Variants in PRKCZ observed in about 807,000 individuals in gnomAD.
PRKCZ encodes protein kinase C zeta type.
PRKCZ carries 33 observed loss-of-function variants against 79.5 expected under a neutral mutation model. That is an observed-to-expected ratio of 0.41 (90% confidence interval 0.31 to 0.55). PRKCZ has a LOEUF of 0.55. Ranked by LOEUF, PRKCZ falls within the 20% of genes least tolerant of loss-of-function variation. PRKCZ has a pLI of 0.19. For missense variants in PRKCZ, 578 were observed against 813.5 expected, an observed-to-expected ratio of 0.71 and a Z score of 3.52; for synonymous variants, 342 against 320.9, an observed-to-expected ratio of 1.07 and a Z score of -0.70.
rs12725838 is a variant in PRKCZ at position 2,099,047 on chromosome 1, C to T, written c.335-36215C>T. ...CCGTTGTCTGTGCTGTGACTTCCGT[C>T]GTTGTCTGTGCTGTGACTTCCGTTG... On this transcript the variant is annotated intron_variant, in intron 4 of 17. Transcript: ENST00000378567. Among the ~76,000 whole-genome samples the T allele has an allele frequency of 2.7e-4, 41 of 151,380 alleles. No homozygotes were observed. The East Asian group carries it at 7.7e-3, about 29-fold the overall frequency.
chr1:2,056,669 C>T (rs1475694993), intron 3 of PRKCZ, 96 bp downstream of exon 3: 3 of 1,112,298 alleles, frequency 2.7e-6, no homozygotes, highest in Non-Finnish European at 3.8e-6. Flanking sequence ...GTTTAAAATC[C>T]TATGATGCCA....
intron 4 of PRKCZ, among the ~76,000 whole-genome samples, chr1:2,061,810 C>G (rs1338593652): frequency 6.6e-6 from 1 of 152,240 alleles, no homozygotes; most frequent in African/African-American, 2.4e-5. Context: ...GGCGCTCTCC[C>G]TGATGTCCTG....
At chr1:2,077,472 A>G (rs1404319441) in intron 4 of PRKCZ, among the ~76,000 whole-genome samples, 1 of 152,160 alleles carries the variant, frequency 6.6e-6, no homozygotes, top group South Asian at 2.1e-4. Context: ...GAATCCCGTG[A>G]GGCTGTGTCA....
intron 4 of PRKCZ, among the ~76,000 whole-genome samples, chr1:2,092,429 G>A (rs1665684211): frequency 6.6e-6 from 1 of 151,992 alleles, no homozygotes; most frequent in East Asian, 1.9e-4. Context: ...CTCTACCCCT[G>A]CTCTGAAATG....
rs780482466 is a variant in PRKCZ at position 2,184,572 on chromosome 1, G to A, written c.1576-11G>A. 2.5e-6 allele frequency: 4 copies of A among 1,611,730 alleles called. No individual in the cohort carries two copies. In the Admixed American group the frequency reaches 5.0e-5, roughly 20 times the overall value. On this transcript the variant is annotated splice_polypyrimidine_tract_variant and intron_variant, in intron 16 of 17. Transcript: ENST00000378567. ...GCGCGGAGCTGACCCTTCTCCTATT[G>A]TTTTTCCAAGCTGGAGAAGAAGCAG...
chr1:2,069,143 C>A (rs185304331), intron 4 of PRKCZ, among the ~76,000 whole-genome samples: 1 of 152,214 alleles, frequency 6.6e-6, no homozygotes, highest in Admixed American at 6.5e-5. Flanking sequence ...CCAACCAATG[C>A]GACCCCCGGC....
chr1:2,073,795 T>TC (rs907018585), intron 4 of PRKCZ: 1 of 1,027,436 alleles, frequency 9.7e-7, no homozygotes, highest in African/African-American at 1.7e-5. Context: ...CGCTCGAGCC[T>TC]CCCTGCCTAT....
chr1:2,140,711 G>A (rs1677142172), intron 5 of PRKCZ, among the ~76,000 whole-genome samples: 2 of 152,188 alleles, frequency 1.3e-5, no homozygotes, highest in South Asian at 4.1e-4. Flanking sequence ...GCTCACACCT[G>A]TAATCCCAGC....
At chr1:2,164,746 T>A (rs191164729) in intron 10 of PRKCZ, among the ~76,000 whole-genome samples, 118 of 152,336 alleles carry the variant, frequency 7.7e-4, no homozygotes, top group African/African-American at 2.7e-3. Flanking sequence ...CTAAATTGCG[T>A]TATTACCTCT....
chr1:2,056,386 C>T (rs1660162160), intron 2 of PRKCZ, 98 bp from the exon 3 acceptor site: 1 of 1,108,694 alleles, frequency 9.0e-7, no homozygotes, highest in East Asian at 2.7e-5. Flanking sequence ...GGACTTTGCC[C>T]CCCACCAGAC....
chr1:2,164,818 G>A (rs773094447), intron 10 of PRKCZ, among the ~76,000 whole-genome samples: 7 of 152,046 alleles, frequency 4.6e-5, no homozygotes, highest in Non-Finnish European at 7.4e-5. Context: ...GCCTCGCTCC[G>A]CCCTGGCTTT....
intron 4 of PRKCZ, among the ~76,000 whole-genome samples, chr1:2,130,238 G>A (rs1212227972): frequency 6.6e-6 from 1 of 152,200 alleles, no homozygotes; most frequent in Non-Finnish European, 1.5e-5. Flanking sequence ...AGGCTGCCCT[G>A]CTGTCCGTTA....
Position 2,125,578 on chromosome 1 carries a change from C to T in PRKCZ, c.335-9684C>T, listed in dbSNP as rs746142048. ...GTGGGGCCCTGGGCTGGCTGCAAGACGTGGAGTGACTGTGGGTCCCCGTGG... is the reference window on the plus strand; with the variant it reads ...GTGGGGCCCTGGGCTGGCTGCAAGATGTGGAGTGACTGTGGGTCCCCGTGG... On this transcript the variant is annotated intron_variant, in intron 4 of 17. Transcript: ENST00000378567. This position sits in a 1 kb window ranked among gnomAD's most constrained non-coding sequence, Gnocchi z 4.2. Among the ~76,000 whole-genome samples, 7 of 152,198 alleles carry T rather than the reference C, an allele frequency of 4.6e-5. No individual in the cohort carries two copies. The highest frequency in any genetic ancestry group is 1.0e-4 in the Non-Finnish European group (7 of 68,026).
intron 4 of PRKCZ, among the ~76,000 whole-genome samples, chr1:2,077,666 C>T (rs1246209027): frequency 6.6e-6 from 1 of 152,140 alleles, no homozygotes; most frequent in Non-Finnish European, 1.5e-5. Context: ...AACAGGTGTC[C>T]CTGGTCCTCC....
chr1:2,066,603 A>G (rs549881903), intron 4 of PRKCZ, among the ~76,000 whole-genome samples: 98 of 152,272 alleles, frequency 6.4e-4, no homozygotes, highest in Non-Finnish European at 1.0e-3. Context: ...TGGCTTCCCA[A>G]CGTGTAGGGA....
intron 1 of PRKCZ, among the ~76,000 whole-genome samples, chr1:2,052,269 C>T (rs373534260): frequency 4.6e-5 from 7 of 152,146 alleles, no homozygotes; most frequent in African/African-American, 9.7e-5. Flanking sequence ...TGGGCCGCCC[C>T]GTCCTCCCTC....
intron 7 of PRKCZ, 102 bp downstream of exon 7, chr1:2,146,210 G>A: frequency 8.5e-7 from 1 of 1,181,674 alleles, no homozygotes. Flanking sequence ...CATCTGCTCT[G>A]CAGGGGTCAT....
intron 9 of PRKCZ, among the ~76,000 whole-genome samples, chr1:2,154,063 A>G (rs906843431): frequency 1.4e-4 from 21 of 152,172 alleles, no homozygotes; most frequent in Non-Finnish European, 2.9e-4. Context: ...TATGTGGGTC[A>G]TGATGCCAAC....
At chr1:2,150,035 G>A (rs1193557519) in intron 8 of PRKCZ, among the ~76,000 whole-genome samples, 5 of 151,082 alleles carry the variant, frequency 3.3e-5, no homozygotes, top group South Asian at 4.2e-4. Flanking sequence ...GGTGGCGGGC[G>A]CCTGTAGTCC....
Sources: gnomAD v4.1 joint callset for allele counts (sites outside exome capture counted in the v4.1 genomes callset) on GRCh38, gnomAD v4.1.1 for gene constraint, Gnocchi (gnomAD v3.1) non-coding constraint, MANE v1.5 for transcripts, NCBI Gene and HGNC (gene_info 2026-07-23, HGNC 2026-07-21) for gene names.